The following KCNIP4 variants were observed in gnomAD, a reference collection of about 807,000 sequenced individuals.
KCNIP4 encodes the protein Kv channel-interacting protein 4.
In KCNIP4, 12 loss-of-function variants were observed where a neutral mutation model predicts 34.0. That is an observed-to-expected ratio of 0.35 (90% CI 0.23 to 0.57). The LOEUF is 0.57. Among genes scored for constraint, KCNIP4 ranks in the 20% least tolerant of loss-of-function variants. KCNIP4 has a pLI of 0.83. For missense variants in KCNIP4, 238 were observed against 311.7 expected, an observed-to-expected ratio of 0.76 and a Z score of 1.78; for synonymous variants, 124 against 102.2, an observed-to-expected ratio of 1.21 and a Z score of -1.29.
intron 1 of KCNIP4, among the ~76,000 whole-genome samples, chr4:21,418,333 A>C (rs1355682234): frequency 2.0e-5 from 3 of 152,104 alleles, no homozygotes; most frequent in Non-Finnish European, 4.4e-5. Flanking sequence ...TGTACCATTA[A>C]AAAAGGAACC....
intron 1 of KCNIP4, among the ~76,000 whole-genome samples, chr4:21,083,348 C>T (rs1380291782): frequency 6.6e-6 from 1 of 151,640 alleles, no homozygotes; most frequent in Non-Finnish European, 1.5e-5. Context: ...AAATCATAGC[C>T]CCTAAAAGAG....
intron 1 of KCNIP4, among the ~76,000 whole-genome samples, chr4:21,801,765 T>C (rs1401290609): frequency 1.3e-5 from 2 of 151,998 alleles, no homozygotes; most frequent in African/African-American, 2.4e-5. Context: ...CGTGCCACCA[T>C]GCCTGGCTAA....
intron 1 of KCNIP4, among the ~76,000 whole-genome samples, chr4:21,561,794 C>T (rs1739504540): frequency 6.6e-6 from 1 of 151,962 alleles, no homozygotes; most frequent in Admixed American, 6.6e-5. Flanking sequence ...ACATTACATC[C>T]TTTAATCGTT....
At chr4:21,862,500 T>C (rs1418059958) in intron 1 of KCNIP4, among the ~76,000 whole-genome samples, 1 of 151,964 alleles carries the variant, frequency 6.6e-6, no homozygotes. Context: ...GAAAGGAGAA[T>C]AGGGAATGCT....
At chr4:20,878,273 A>G (rs999357782) in intron 2 of KCNIP4, among the ~76,000 whole-genome samples, 6 of 152,316 alleles carry the variant, frequency 3.9e-5, no homozygotes, top group Middle Eastern at 3.4e-3. Flanking sequence ...AATACTTTGC[A>G]TGGATTATTC....
intron 2 of KCNIP4, among the ~76,000 whole-genome samples, chr4:20,854,379 G>A (rs536654141): frequency 6.6e-6 from 1 of 152,280 alleles, no homozygotes; most frequent in African/African-American, 2.4e-5. Context: ...TCTAAGTGAT[G>A]TAACTCAAGA....
intron 1 of KCNIP4, among the ~76,000 whole-genome samples, chr4:20,936,457 A>C (rs1274754490): frequency 6.6e-6 from 1 of 151,692 alleles, no homozygotes; most frequent in Non-Finnish European, 1.5e-5. Context: ...AGATTTCATC[A>C]TGCATACAGG....
At chr4:21,697,588 C>T (rs917338956) in intron 1 of KCNIP4, 15 of 1,373,202 alleles carry the variant, frequency 1.1e-5, no homozygotes, top group African/African-American at 9.2e-5. Flanking sequence ...GCTGTTAGCG[C>T]CTCAATCAGA....
intron 3 of KCNIP4, among the ~76,000 whole-genome samples, chr4:20,792,264 C>T (rs1222372842): frequency 2.0e-5 from 3 of 152,030 alleles, no homozygotes; most frequent in African/African-American, 4.8e-5. Context: ...ATCCCAGCTA[C>T]TTGGGAGGCT....
intron 1 of KCNIP4, among the ~76,000 whole-genome samples, chr4:21,118,991 T>C (rs1189685035): frequency 1.3e-5 from 2 of 152,184 alleles, no homozygotes; most frequent in African/African-American, 4.8e-5. Flanking sequence ...ACGCCATCCA[T>C]TGAGTTTCCT....
At chr4:21,610,502 A>T (rs1744065087) in intron 1 of KCNIP4, among the ~76,000 whole-genome samples, 1 of 152,160 alleles carries the variant, frequency 6.6e-6, no homozygotes, top group African/African-American at 2.4e-5. Context: ...AGGTACTGGA[A>T]CGTATTATAA....
intron 1 of KCNIP4, among the ~76,000 whole-genome samples, chr4:21,243,285 G>A (rs1186221090): frequency 6.6e-6 from 1 of 152,124 alleles, no homozygotes; most frequent in African/African-American, 2.4e-5. Flanking sequence ...CAAAGTAGAA[G>A]CTGCTTCAGT....
intron 1 of KCNIP4, chr4:21,697,316 TAAAAAAA>T (rs537856921): frequency 2.5e-4 from 303 of 1,226,396 alleles, no homozygotes; most frequent in African/African-American, 9.4e-4. Context: ...TAGCCTCTAC[TAAAAAAA>T]AAAAAAAAAA....
chr4:21,623,857 C>T (rs1371193589), intron 1 of KCNIP4, among the ~76,000 whole-genome samples: 2 of 152,122 alleles, frequency 1.3e-5, no homozygotes, highest in African/African-American at 4.8e-5. Flanking sequence ...TAGTAGTTAC[C>T]AGTAGTTCTT....
chr4:21,154,351 C>A (rs1372997721), intron 1 of KCNIP4, among the ~76,000 whole-genome samples: 1 of 152,134 alleles, frequency 6.6e-6, no homozygotes, highest in African/African-American at 2.4e-5. Flanking sequence ...AAAACTAAAT[C>A]CCCCACAGAA....
In KCNIP4 at chr4:21,285,685, C is replaced by CA. The variant is rs200170335; in HGVS notation, c.62-402977dup. ...CTCTACTAAAAATCCAAAAACAAAA[C>CA]AAAAAAAAAGCCAGGCATGGTAGTA... On this transcript the variant is annotated intron_variant, in intron 1 of 8. Coordinates refer to ENST00000382152, the MANE Select transcript of KCNIP4 (RefSeq NM_025221.6). Among the ~76,000 whole-genome samples, 213 of 150,150 alleles carry CA rather than the reference C, an allele frequency of 1.4e-3. 2 individuals are homozygous for CA. The highest frequency in any genetic ancestry group is 3.9e-3 in the East Asian group (20 of 5,104).
intron 1 of KCNIP4, among the ~76,000 whole-genome samples, chr4:21,905,544 C>A (rs1019744623): frequency 6.6e-6 from 1 of 152,094 alleles, no homozygotes; most frequent in Admixed American, 6.6e-5. Flanking sequence ...ATGATGAGTT[C>A]ATGTCCTTTG....
chr4:20,866,492 T>C (rs1266920721), intron 2 of KCNIP4, among the ~76,000 whole-genome samples: 1 of 151,978 alleles, frequency 6.6e-6, no homozygotes, highest in African/African-American at 2.4e-5. Context: ...AGACTAGGCA[T>C]CTAAATAACA....
intron 1 of KCNIP4, among the ~76,000 whole-genome samples, chr4:20,955,314 A>G (rs1295251417): frequency 1.3e-5 from 2 of 152,232 alleles, no homozygotes; most frequent in Non-Finnish European, 2.9e-5. Flanking sequence ...TCAAACAGCT[A>G]TTAATATGAA....
Sources: gnomAD v4.1 joint callset for allele counts (sites outside exome capture counted in the v4.1 genomes callset) on GRCh38, gnomAD v4.1.1 for gene constraint, MANE v1.5 for transcripts, NCBI Gene and HGNC (gene_info 2026-07-23, HGNC 2026-07-21) for gene names.